Variants in CRYBG1 observed in about 807,000 individuals in gnomAD.
The protein encoded by CRYBG1 is crystallin beta-gamma domain containing 1.
In CRYBG1, 139 loss-of-function variants were observed where a neutral mutation model predicts 189.2. The observed-to-expected ratio is 0.73, with a 90% confidence interval of 0.64 to 0.85. CRYBG1 has a LOEUF of 0.85. Ranked by LOEUF, CRYBG1 falls within the 40% of genes least tolerant of loss-of-function variation. The pLI, the probability that CRYBG1 is intolerant of heterozygous loss-of-function variation, is 0.00. For synonymous variants in CRYBG1, 1,023 were observed against 1,017.1 expected (o/e 1.01, Z -0.11); for missense variants, 2,611 against 2,675.8 (o/e 0.98, Z 0.53).
intron 2 of CRYBG1, among the ~76,000 whole-genome samples, chr6:106,498,983 A>C (rs1772921237): frequency 6.6e-6 from 1 of 152,188 alleles, no homozygotes; most frequent in Non-Finnish European, 1.5e-5. Flanking sequence ...CCTGGGGAAA[A>C]ATAAGCCAAG....
chr6:106,436,127 T>G (rs1016646686), intron 1 of CRYBG1, among the ~76,000 whole-genome samples: 1 of 152,184 alleles, frequency 6.6e-6, no homozygotes, highest in Non-Finnish European at 1.5e-5. Flanking sequence ...TTTTAAAACA[T>G]TTTTATTAAA....
intron 9 of CRYBG1, chr6:106,541,164 G>A (rs1224334759): frequency 3.1e-5 from 14 of 455,834 alleles, no homozygotes; most frequent in South Asian, 8.1e-5. Context: ...TGGTAGAGAC[G>A]GCAACCCCGG....
At chr6:106,507,004 C>T (rs960543439) in intron 2 of CRYBG1, among the ~76,000 whole-genome samples, 3 of 152,100 alleles carry the variant, frequency 2.0e-5, no homozygotes, top group Admixed American at 6.5e-5. Flanking sequence ...TAATGGGTAG[C>T]AAATGTTACA....
chr6:106,450,010 AGG>A (rs1771747130), intron 1 of CRYBG1, among the ~76,000 whole-genome samples: 2 of 152,174 alleles, frequency 1.3e-5, no homozygotes, highest in Non-Finnish European at 2.9e-5. Flanking sequence ...GGCTCACTTA[AGG>A]TCAGGAGTTC....
At chr6:106,469,246 A>G (rs4563757) in intron 2 of CRYBG1, among the ~76,000 whole-genome samples, 12,816 of 152,272 alleles carry the variant, frequency 0.084, 700 homozygotes, top group East Asian at 0.22. Context: ...TATTGGTCAC[A>G]GCTTAGCTTA....
At position 106,431,066 on chromosome 6, in the gene CRYBG1, C is replaced by CT. The variant is rs1232179368; in HGVS notation, c.174-20628_174-20627insT. ...TAGTAGAGATGGGGTTTCACCATGT[C>CT]AGCCAGGCTGGTCTCAAACTCCTGA... On this transcript the variant is annotated intron_variant, in intron 1 of 21. Transcript: ENST00000633556. Among the ~76,000 whole-genome samples, 5 of 151,962 alleles carry CT rather than the reference C, an allele frequency of 3.3e-5. No individual in the cohort carries two copies. The East Asian group carries it at 9.7e-4, about 29-fold the overall frequency.
intron 1 of CRYBG1, among the ~76,000 whole-genome samples, chr6:106,373,923 G>A (rs1770095060): frequency 6.6e-6 from 1 of 152,126 alleles, no homozygotes; most frequent in African/African-American, 2.4e-5. Flanking sequence ...CAGAAGGTTG[G>A]TTTACTTCTT....
intron 1 of CRYBG1, among the ~76,000 whole-genome samples, chr6:106,363,263 AAAAAT>A (rs1165669406): frequency 1.6e-5 from 2 of 126,306 alleles, no homozygotes; most frequent in South Asian, 2.6e-4. Flanking sequence ...AAAAAAAAAA[AAAAAT>A]TAAAATAGGA....
At chr6:106,367,986 T>C (rs1769922096) in intron 1 of CRYBG1, among the ~76,000 whole-genome samples, 1 of 152,156 alleles carries the variant, frequency 6.6e-6, no homozygotes, top group African/African-American at 2.4e-5. Flanking sequence ...ACATCTTTTT[T>C]GTAAGCTGAG....
intron 2 of CRYBG1, among the ~76,000 whole-genome samples, chr6:106,510,448 C>T (rs909408057): frequency 6.6e-6 from 1 of 152,232 alleles, no homozygotes; most frequent in African/African-American, 2.4e-5. Context: ...GGATGCTAGC[C>T]GTTTTGCTCC....
At chr6:106,476,318 G>T (rs577215317) in intron 2 of CRYBG1, among the ~76,000 whole-genome samples, 4 of 152,268 alleles carry the variant, frequency 2.6e-5, no homozygotes, top group Non-Finnish European at 5.9e-5. Context: ...GTTTGTTCTC[G>T]GGATGATCCT....
intron 1 of CRYBG1, among the ~76,000 whole-genome samples, chr6:106,368,424 G>T (rs1216733749): frequency 1.3e-5 from 2 of 152,142 alleles, no homozygotes; most frequent in Non-Finnish European, 2.9e-5. Context: ...AAGCTTGAAT[G>T]GTGTGTTCTT....
chr6:106,480,813 A>G (rs550183180), intron 2 of CRYBG1, among the ~76,000 whole-genome samples: 44 of 151,802 alleles, frequency 2.9e-4, no homozygotes, highest in African/African-American at 1.0e-3. Context: ...CTCTACTAAA[A>G]GCACAAAACT....
chr6:106,519,331 G>A lies in CRYBG1; in HGVS notation c.2123G>A (p.Ser708Asn), dbSNP rs774932584. 5 of 1,614,010 alleles carry A rather than the reference G, an allele frequency of 3.1e-6. No homozygotes were observed. Among genetic ancestry groups the A allele is most frequent in the Non-Finnish European group, 4.2e-6 (5 of 1,180,034 alleles). The change falls in exon 4 of 22, where the codon AGT (serine) becomes AAT (asparagine). Residue 708 changes from serine to asparagine, a missense_variant. Around this residue, in one of 3 missense-constraint regions of CRYBG1, gnomAD observed 1,622 missense variants for 1,735.0 expected, o/e 0.93. Coordinates refer to ENST00000633556, the MANE Select transcript of CRYBG1 (RefSeq NM_001371242.2). ...GGCCAAAGGAATACTCCTGCCTCTA[G>A]TAAAACGTTTGTTGGGAGGGCAAAG... Reference protein sequence around the residue: ...IRGQRNTPASSKTFVGRAKLN... With the variant: ...IRGQRNTPASNKTFVGRAKLN...
intron 2 of CRYBG1, among the ~76,000 whole-genome samples, chr6:106,502,820 T>TAA (rs11386592): frequency 3.9e-5 from 6 of 151,976 alleles, no homozygotes; most frequent in South Asian, 2.1e-4. Flanking sequence ...CAAGAAGGGC[T>TAA]AAAAAAAACC....
chr6:106,535,757 C>CTTTTTTT, intron 8 of CRYBG1, among the ~76,000 whole-genome samples: 2 of 2,352 alleles, frequency 8.5e-4, no homozygotes, highest in African/African-American at 4.1e-3. Flanking sequence ...AAGCCACTAA[C>CTTTTTTT]TTTTTTTTTT....
chr6:106,399,043 C>T (rs1770667669), intron 1 of CRYBG1, among the ~76,000 whole-genome samples: 1 of 152,116 alleles, frequency 6.6e-6, no homozygotes, highest in South Asian at 2.1e-4. Context: ...TCCATTAAAC[C>T]TTCTCAGTGA....
At chr6:106,387,741 A>G (rs1250366402) in intron 1 of CRYBG1, among the ~76,000 whole-genome samples, 1 of 152,190 alleles carries the variant, frequency 6.6e-6, no homozygotes, top group Non-Finnish European at 1.5e-5. Context: ...TATGCTTGGT[A>G]TAGTGCAAGA....
rs142260022 is a variant in CRYBG1 at position 106,424,851 on chromosome 6, G to A, written c.174-26843G>A. Among the ~76,000 whole-genome samples the A allele has an allele frequency of 1.1e-3, 163 of 152,202 alleles. 1 individual carries two copies. Among genetic ancestry groups the A allele is most frequent in the African/African-American group, 3.7e-3 (152 of 41,538 alleles). On this transcript the variant is annotated intron_variant, in intron 1 of 21. Coordinates refer to ENST00000633556, the MANE Select transcript of CRYBG1 (RefSeq NM_001371242.2). ...GAAGTCCAGCCTCTCTGCACTCCTT[G>A]TCATTGGCATCTTCACCCTATACTT...
Sources: gnomAD v4.1 joint callset for allele counts (sites outside exome capture counted in the v4.1 genomes callset) on GRCh38, gnomAD v4.1.1 for gene constraint, gnomAD v4.1.1 regional missense constraint, MANE v1.5 for transcripts, NCBI Gene and HGNC (gene_info 2026-07-23, HGNC 2026-07-21) for gene names.